Variants in EPHA7 observed in about 807,000 individuals in gnomAD.
EPHA7 encodes the protein ephrin type-A receptor 7.
Under a neutral mutation model 112.6 loss-of-function variants are expected in EPHA7, and 25 were observed. That is an observed-to-expected ratio of 0.22 (90% CI 0.16 to 0.31). The LOEUF (loss-of-function observed/expected upper bound fraction) is 0.31. EPHA7 is among the 10% of genes least tolerant of loss of function. The pLI, the probability that EPHA7 is intolerant of heterozygous loss-of-function variation, is 1.00. For missense variants in EPHA7, 962 were observed against 1,212.6 expected (o/e 0.79, Z 3.07); for synonymous variants, 437 against 406.5 (o/e 1.07, Z -0.90).
chr6:93,370,989 CAA>C (rs1231694778), intron 3 of EPHA7, among the ~76,000 whole-genome samples: 11 of 90,036 alleles, frequency 1.2e-4, no homozygotes, highest in Non-Finnish European at 1.2e-4. Flanking sequence ...ACGAAAAATA[CAA>C]AAAAAAAAAA....
chr6:93,254,013 T>C (rs1453602123), intron 14 of EPHA7, among the ~76,000 whole-genome samples: 1 of 152,206 alleles, frequency 6.6e-6, no homozygotes, highest in African/African-American at 2.4e-5. Flanking sequence ...ATCAGTTTCT[T>C]TTCTCAACGG....
chr6:93,370,195 GA>G (rs1387207288), intron 3 of EPHA7, among the ~76,000 whole-genome samples: 3 of 152,090 alleles, frequency 2.0e-5, no homozygotes, highest in Non-Finnish European at 4.4e-5. Flanking sequence ...CCAAGAGAAG[GA>G]AAACAACTAA....
At chr6:93,390,209 G>T (rs960404096) in intron 3 of EPHA7, among the ~76,000 whole-genome samples, 2 of 149,928 alleles carry the variant, frequency 1.3e-5, no homozygotes. Flanking sequence ...AAAGGTAACT[G>T]GTCTGGATTC....
At chr6:93,259,569 G>A in intron 9 of EPHA7, 90 bp from the exon 10 acceptor site, 1 of 1,495,242 alleles carries the variant, frequency 6.7e-7, no homozygotes, top group Non-Finnish European at 9.2e-7. Context: ...AGTGCTCCTT[G>A]GAACAGTGAA....
Position 93,410,417 on chromosome 6 carries a change from A to G in EPHA7, c.832+84T>C, listed in dbSNP as rs529598071. ...CTTCTGGTACAGAGCAGATTCACGT[A>G]TTCAAATAACTATTAAAGTTTAAAA... On this transcript the variant is annotated intron_variant, in intron 3 of 16. Coordinates refer to ENST00000369303, the MANE Select transcript of EPHA7 (RefSeq NM_004440.4). The surrounding 1 kb of genome is among the most constrained non-coding windows in gnomAD (Gnocchi z 4.0). The G allele has an allele frequency of 1.6e-6, 2 of 1,276,116 alleles. No individual in the cohort carries two copies. The highest frequency in any genetic ancestry group is 2.2e-6 in the Non-Finnish European group (2 of 915,926). 79.0% of individuals were successfully genotyped at this position (1,276,116 alleles called of 1,614,324 possible). A position where few individuals can be genotyped will look rare whatever the true frequency, so the allele number is the denominator to read the frequency against.
chr6:93,281,658 G>C (rs1414419920), intron 5 of EPHA7, among the ~76,000 whole-genome samples: 1 of 152,024 alleles, frequency 6.6e-6, no homozygotes, highest in East Asian at 1.9e-4. Flanking sequence ...TTTCAGTTGT[G>C]CACATTTTCT....
chr6:93,321,689 T>C (rs1774082821), intron 5 of EPHA7, among the ~76,000 whole-genome samples: 1 of 151,886 alleles, frequency 6.6e-6, no homozygotes, highest in Admixed American at 6.6e-5. Context: ...GGGAAGTGAT[T>C]ACTCCTTATA....
At chr6:93,262,974 A>C (rs1479315492) in intron 9 of EPHA7, among the ~76,000 whole-genome samples, 2 of 151,446 alleles carry the variant, frequency 1.3e-5, no homozygotes, top group Non-Finnish European at 3.0e-5. Context: ...TAACACAACA[A>C]AAGATACAAT....
At position 93,390,794 on chromosome 6, in the gene EPHA7, G is replaced by C. The variant is rs137940122; in HGVS notation, c.832+19707C>G. On this transcript the variant is annotated intron_variant, in intron 3 of 16. Coordinates refer to ENST00000369303, the MANE Select transcript of EPHA7 (RefSeq NM_004440.4). ...GGATTGTTAACATTATTAGTTTTAA[G>C]TATTTTTGGCAACCTACAAACTCAT... Among the ~76,000 whole-genome samples the C allele has an allele frequency of 3.0e-3, 451 of 151,960 alleles. 3 individuals are homozygous for C. The highest frequency in any genetic ancestry group is 0.01 in the African/African-American group (431 of 41,510).
chr6:93,282,258 A>T (rs996598168), intron 5 of EPHA7, among the ~76,000 whole-genome samples: 1 of 152,244 alleles, frequency 6.6e-6, no homozygotes. Flanking sequence ...TTAATCATAC[A>T]CATTCATAAT....
At chr6:93,286,931 C>T (rs1376482795) in intron 5 of EPHA7, among the ~76,000 whole-genome samples, 1 of 152,108 alleles carries the variant, frequency 6.6e-6, no homozygotes, top group Non-Finnish European at 1.5e-5. Context: ...AATATGTTAA[C>T]TAGCATGAAT....
At chr6:93,320,716 A>G (rs927935166) in intron 5 of EPHA7, among the ~76,000 whole-genome samples, 1 of 151,986 alleles carries the variant, frequency 6.6e-6, no homozygotes, top group African/African-American at 2.4e-5. Context: ...ATGAAATTTC[A>G]TAAGCATTCA....
Position 93,414,652 on chromosome 6 carries a change from G to A in EPHA7, c.162+51C>T, listed in dbSNP as rs745582534. ...TAATTACCCTGGAGGGAAGGGAAACGTTTTGTTTCTTATTTTAAAAAAGTG... is the reference window on the plus strand; with the variant it reads ...TAATTACCCTGGAGGGAAGGGAAACATTTTGTTTCTTATTTTAAAAAAGTG... On this transcript the variant is annotated intron_variant, in intron 2 of 16. Coordinates refer to ENST00000369303, the MANE Select transcript of EPHA7 (RefSeq NM_004440.4). 9 of 1,415,972 alleles carry A rather than the reference G, an allele frequency of 6.4e-6. No homozygotes were observed. In the East Asian group the frequency reaches 6.9e-5, roughly 11 times the overall value. 87.7% of individuals were successfully genotyped at this position (1,415,972 alleles called of 1,614,324 possible).
Position 93,255,925 on chromosome 6 carries a change from C to T in EPHA7, c.2285G>A (p.Arg762His), listed in dbSNP as rs762713500. The change falls in exon 13 of 17, where the codon CGC (arginine) becomes CAC (histidine). Residue 762 changes from arginine (R) to histidine (H), a missense_variant. Arg to His is a conservative substitution (Grantham distance 29). Transcript: ENST00000369303. The part of the protein sequence containing the change: ...MGYVHRDLAA[R>H]NILVNSNLVC... ...GAGATTGCTGTTGACAAGAATATTG[C>T]GAGCTGCAAGGTCCCTGTGAACATA... The T allele has an allele frequency of 7.4e-6, 12 of 1,613,992 alleles. No homozygotes were observed. Among genetic ancestry groups the T allele is most frequent in the South Asian group, 3.3e-5 (3 of 91,076 alleles).
In EPHA7 at chr6:93,246,298, C is replaced by A. The variant is rs554375547; in HGVS notation, c.2726+494G>T. On this transcript the variant is annotated intron_variant, in intron 15 of 16. Transcript: ENST00000369303. ...AACTCCTGACCTCGAGATCCACCTACCTCGGCCTCCCAAAGTGCTGGGATT... is the reference window on the plus strand; with the variant it reads ...AACTCCTGACCTCGAGATCCACCTAACTCGGCCTCCCAAAGTGCTGGGATT... 4.2e-3 allele frequency among the ~76,000 whole-genome samples: 637 copies of A among 152,214 alleles called. 3 individuals carry two copies. Among genetic ancestry groups the A allele is most frequent in the African/African-American group, 0.015 (611 of 41,536 alleles).
Position 93,241,107 on chromosome 6 carries a change from T to C in EPHA7, c.*2319A>G, listed in dbSNP as rs1182494084. 1 of 205,178 alleles carries C rather than the reference T, an allele frequency of 4.9e-6. No homozygotes were observed. The highest frequency in any genetic ancestry group is 1.0e-5 in the Non-Finnish European group (1 of 100,240). 12.7% of individuals were successfully genotyped at this position (205,178 alleles called of 1,614,324 possible). On this transcript the variant is annotated 3_prime_UTR_variant, in exon 17 of 17. Coordinates refer to ENST00000369303, the MANE Select transcript of EPHA7 (RefSeq NM_004440.4). ...TGCCCTTCTACTCAAGAAAGACTAC[T>C]CAACTATAAATCTAGTGCTAGAAAA... is the stretch of plus-strand genomic sequence containing the variant.
At chr6:93,362,339 A>G (rs1425616819) in intron 3 of EPHA7, among the ~76,000 whole-genome samples, 1 of 152,094 alleles carries the variant, frequency 6.6e-6, no homozygotes, top group African/African-American at 2.4e-5. Flanking sequence ...GATCTGCTAT[A>G]TTACTGTTAT....
intron 5 of EPHA7, among the ~76,000 whole-genome samples, chr6:93,294,428 T>C (rs1030615864): frequency 6.6e-6 from 1 of 152,152 alleles, no homozygotes; most frequent in Non-Finnish European, 1.5e-5. Context: ...TGAATTTATA[T>C]ATAACTACTG....
intron 9 of EPHA7, 98 bp from the exon 10 acceptor site, chr6:93,259,577 G>A (rs1770594893): frequency 1.4e-6 from 2 of 1,439,878 alleles, no homozygotes; most frequent in African/African-American, 2.8e-5. Flanking sequence ...TTGGAACAGT[G>A]AACTTGCTTC....
Sources: allele counts gnomAD v4.1 joint callset (sites outside exome capture counted in the v4.1 genomes callset), GRCh38; gene constraint gnomAD v4.1.1; non-coding constraint Gnocchi (gnomAD v3.1); transcripts MANE v1.5; gene names NCBI Gene and HGNC (gene_info 2026-07-23, HGNC 2026-07-21).